The following TNFRSF11A variants were observed in gnomAD, a reference collection of about 807,000 sequenced individuals.
The protein encoded by TNFRSF11A is tumor necrosis factor receptor superfamily member 11A.
TNFRSF11A carries 32 observed loss-of-function variants against 55.7 expected under a neutral mutation model. The ratio of observed to expected loss-of-function variants is 0.57; its 90% CI spans 0.43 to 0.77. The LOEUF is 0.77. Among genes scored for constraint, TNFRSF11A ranks in the 30% least tolerant of loss-of-function variants. TNFRSF11A has a pLI of 0.00. For synonymous variants in TNFRSF11A, 311 were observed against 331.0 expected, an observed-to-expected ratio of 0.94 and a Z score of 0.65; for missense variants, 753 against 809.8, an observed-to-expected ratio of 0.93 and a Z score of 0.85.
chr18:62,377,007 G>A (rs540624389), intron 9 of TNFRSF11A, among the ~76,000 whole-genome samples: 2 of 152,142 alleles, frequency 1.3e-5, no homozygotes, highest in Admixed American at 6.5e-5. Flanking sequence ...CCCCGCCTCC[G>A]GGTTCATGCC....
chr18:62,339,547 C>T (rs2046282402), intron 1 of TNFRSF11A, among the ~76,000 whole-genome samples: 1 of 152,178 alleles, frequency 6.6e-6, no homozygotes, highest in Non-Finnish European at 1.5e-5. Flanking sequence ...TTTCCTTCCT[C>T]TCTATATGTG....
intron 9 of TNFRSF11A, among the ~76,000 whole-genome samples, chr18:62,375,398 A>G (rs1304705054): frequency 3.3e-5 from 5 of 152,178 alleles, no homozygotes; most frequent in Admixed American, 1.3e-4. Flanking sequence ...CACCCTGCCA[A>G]CTAATCCATC....
At chr18:62,355,215 C>T (rs758640724) in intron 4 of TNFRSF11A, among the ~76,000 whole-genome samples, 19 of 152,130 alleles carry the variant, frequency 1.2e-4, no homozygotes, top group Non-Finnish European at 2.6e-4. Flanking sequence ...TTACTAATCA[C>T]CTTTTCACAT....
rs1164295943 is a variant in TNFRSF11A at position 62,390,343 on chromosome 18, C to G, written c.*5309C>G. The G allele has an allele frequency of 2.0e-5, 3 of 152,206 alleles. No homozygotes were observed. The highest frequency in any genetic ancestry group is 7.2e-5 in the African/African-American group (3 of 41,434). The allele number at this position is 152,206 out of a possible 1,614,324, so 9.4% of individuals were successfully genotyped here. A position where few individuals can be genotyped will look rare whatever the true frequency, so the allele number is the denominator to read the frequency against. ...CTTCACATTATACTGTCTTAAAAGACTATGATTAAAATGGGCATCAGTGTA... is the reference window on the plus strand; with the variant it reads ...CTTCACATTATACTGTCTTAAAAGAGTATGATTAAAATGGGCATCAGTGTA... On this transcript the variant is annotated 3_prime_UTR_variant, in exon 10 of 10. Coordinates refer to ENST00000586569, the MANE Select transcript of TNFRSF11A (RefSeq NM_003839.4).
At chr18:62,356,449 T>C (rs1909260695) in intron 4 of TNFRSF11A, among the ~76,000 whole-genome samples, 1 of 152,218 alleles carries the variant, frequency 6.6e-6, no homozygotes, top group Non-Finnish European at 1.5e-5. Flanking sequence ...GCCTTTCCTT[T>C]AGGTTTTCAC....
chr18:62,384,633 G>A lies in TNFRSF11A; in HGVS notation c.1568-118G>A, dbSNP rs1431841174. On this transcript the variant is annotated intron_variant, in intron 9 of 9. Coordinates refer to ENST00000586569, the MANE Select transcript of TNFRSF11A (RefSeq NM_003839.4). ...GAGGGTTACAGTGTGGTTCCCTGTGGCCCCGGGCTGTGGGAATCCGGGGAG... is the reference window on the plus strand; with the variant it reads ...GAGGGTTACAGTGTGGTTCCCTGTGACCCCGGGCTGTGGGAATCCGGGGAG... 7.3e-6 allele frequency: 9 copies of A among 1,233,866 alleles called. No homozygotes were observed. The East Asian group carries it at 2.0e-4, about 28-fold the overall frequency. The allele number at this position is 1,233,866 out of a possible 1,614,324, so 76.4% of individuals were successfully genotyped here.
At chr18:62,332,362 G>A (rs1489852261) in intron 1 of TNFRSF11A, among the ~76,000 whole-genome samples, 3 of 152,172 alleles carry the variant, frequency 2.0e-5, no homozygotes, top group Admixed American at 6.5e-5. Context: ...TAAAAGAGAC[G>A]TTTAAAGGCC....
chr18:62,351,089 C>T (rs1286403339), intron 3 of TNFRSF11A, among the ~76,000 whole-genome samples: 1 of 150,492 alleles, frequency 6.6e-6, no homozygotes, highest in African/African-American at 2.4e-5. Context: ...TGCAACCACT[C>T]CCTCCCGGGT....
intron 1 of TNFRSF11A, among the ~76,000 whole-genome samples, chr18:62,326,367 G>A (rs569236711): frequency 6.6e-6 from 1 of 152,360 alleles, no homozygotes; most frequent in East Asian, 1.9e-4. Flanking sequence ...CAGAAATAAT[G>A]TGGGTGCACT....
intron 7 of TNFRSF11A, among the ~76,000 whole-genome samples, chr18:62,362,757 C>A (rs1371685855): frequency 6.6e-6 from 1 of 152,078 alleles, no homozygotes; most frequent in Non-Finnish European, 1.5e-5. Flanking sequence ...CTTTAATATT[C>A]AAGTCATTCT....
intron 7 of TNFRSF11A, among the ~76,000 whole-genome samples, chr18:62,364,431 G>C (rs1005569049): frequency 6.6e-6 from 1 of 152,142 alleles, no homozygotes; most frequent in Non-Finnish European, 1.5e-5. Context: ...TCTGGCTTTA[G>C]AGTAGCAAAC....
chr18:62,369,580 AAT>A, intron 9 of TNFRSF11A, 96 bp downstream of exon 9: 17 of 1,482,380 alleles, frequency 1.1e-5, no homozygotes, highest in Non-Finnish European at 1.6e-5. Flanking sequence ...GGAGGAAGCT[AAT>A]GGGAAAACCT....
intron 1 of TNFRSF11A, among the ~76,000 whole-genome samples, chr18:62,334,279 C>T (rs1425287691): frequency 6.6e-6 from 1 of 152,196 alleles, no homozygotes; most frequent in Non-Finnish European, 1.5e-5. Context: ...ATCCCTGACT[C>T]AGGAGGAAAA....
At chr18:62,327,064 G>A (rs1257359566) in intron 1 of TNFRSF11A, among the ~76,000 whole-genome samples, 1 of 152,148 alleles carries the variant, frequency 6.6e-6, no homozygotes, top group African/African-American at 2.4e-5. Flanking sequence ...GAAGCATATG[G>A]TGAGTAAAGG....
At chr18:62,366,847 C>CCG (rs1431219425) in intron 8 of TNFRSF11A, 87 bp downstream of exon 8, 1 of 1,316,412 alleles carries the variant, frequency 7.6e-7, no homozygotes, top group African/African-American at 1.4e-5. Context: ...TGAGCACCCC[C>CCG]CCCCACCCCC....
intron 6 of TNFRSF11A, among the ~76,000 whole-genome samples, chr18:62,361,445 T>C (rs753556492): frequency 2.6e-5 from 4 of 152,148 alleles, no homozygotes; most frequent in Non-Finnish European, 5.9e-5. Context: ...GTAATGGCCC[T>C]GGCTGCTCTC....
At chr18:62,363,509 C>T (rs570282990) in intron 7 of TNFRSF11A, among the ~76,000 whole-genome samples, 10 of 151,662 alleles carry the variant, frequency 6.6e-5, no homozygotes, top group South Asian at 2.1e-4. Flanking sequence ...CCTGGGATTA[C>T]GGGCATTTGC....
At chr18:62,344,473 G>A (rs11874087) in intron 1 of TNFRSF11A, among the ~76,000 whole-genome samples, 3,053 of 152,280 alleles carry the variant, frequency 0.02, 63 homozygotes, top group Non-Finnish European at 0.027. Context: ...TGAAGATCTG[G>A]GGCCTTATGC....
intron 1 of TNFRSF11A, among the ~76,000 whole-genome samples, chr18:62,326,795 G>A (rs2046082327): frequency 6.6e-6 from 1 of 152,164 alleles, no homozygotes; most frequent in Admixed American, 6.5e-5. Flanking sequence ...GTTTAAAAAT[G>A]TAAACTTTTG....
Sources: allele counts gnomAD v4.1 joint callset (sites outside exome capture counted in the v4.1 genomes callset), GRCh38; gene constraint gnomAD v4.1.1; transcripts MANE v1.5; gene names NCBI Gene and HGNC (gene_info 2026-07-23, HGNC 2026-07-21).